MYH11: variants seen among roughly 807,000 people sequenced by gnomAD.
The protein encoded by MYH11 is myosin-11.
MYH11 carries 80 observed loss-of-function variants against 246.6 expected under a neutral mutation model. The observed-to-expected ratio is 0.32, with a 90% CI of 0.27 to 0.39. The LOEUF is 0.39. MYH11 is among the 10% of genes least tolerant of loss of function. The pLI is 1.00. For synonymous variants in MYH11, 1,071 were observed against 1,015.5 expected, an observed-to-expected ratio of 1.05 and a Z score of -1.04; for missense variants, 2,158 against 2,546.8, an observed-to-expected ratio of 0.85 and a Z score of 3.29.
At chr16:15,777,286 T>C (rs1002223975) in intron 7 of MYH11, among the ~76,000 whole-genome samples, 9 of 152,098 alleles carry the variant, frequency 5.9e-5, no homozygotes, top group Non-Finnish European at 1.3e-4. Context: ...CACGCCTGGA[T>C]AATTTTTGTA....
At chr16:15,723,912 G>A (rs1270204005) in intron 31 of MYH11, among the ~76,000 whole-genome samples, 2 of 152,232 alleles carry the variant, frequency 1.3e-5, no homozygotes, top group African/African-American at 4.8e-5. Context: ...CACCATGTGT[G>A]CAGGTGACCC....
At chr16:15,767,261 G>A (rs1028679276) in intron 9 of MYH11, among the ~76,000 whole-genome samples, 1 of 152,092 alleles carries the variant, frequency 6.6e-6, no homozygotes, top group African/African-American at 2.4e-5. Context: ...GACTCTACAT[G>A]AGTCTCAATA....
chr16:15,721,705 G>A, intron 31 of MYH11, 71 bp from the exon 32 acceptor site: 2 of 1,525,250 alleles, frequency 1.3e-6, no homozygotes, highest in Non-Finnish European at 1.8e-6. Context: ...TAAATACCGG[G>A]GGAAGCCCTG....
In MYH11 at chr16:15,771,332, C is replaced by A. The variant is rs4781688; in HGVS notation, c.1033+237G>T. Among the ~76,000 whole-genome samples, 15,894 of 151,946 alleles carry A rather than the reference C, an allele frequency of 0.1. 1,035 individuals are homozygous for A. The highest frequency in any genetic ancestry group is 0.14 in the Admixed American group (2,097 of 15,236). On this transcript the variant is annotated intron_variant, in intron 9 of 40. Transcript: ENST00000300036. ...ACTTCTCAACATTCTGAGTTAGTCA[C>A]TTTCCCTTTGGTTTAAGCCAGCTCG...
At position 15,711,307 on chromosome 16, in the gene MYH11, C is replaced by CT. The variant is rs1282842070; in HGVS notation, c.5786+3601dup. 6.6e-5 allele frequency: 10 copies of CT among 152,278 alleles called. 1 individual carries two copies. In the South Asian group the frequency reaches 2.1e-3, roughly 32 times the overall value. The allele number at this position is 152,278 out of a possible 1,614,324, so 9.4% of individuals were successfully genotyped here. A position where few individuals can be genotyped will look rare whatever the true frequency, so the allele number is the denominator to read the frequency against. On this transcript the variant is annotated intron_variant, in intron 40 of 40. Transcript: ENST00000300036. Reference sequence around the variant, plus strand: ...TGAGAAAGTCATTTCCTTTCCAACTCTTTTTAAACAAGTCTAATTATGATG... The same window carrying CT: ...TGAGAAAGTCATTTCCTTTCCAACTCTTTTTTAAACAAGTCTAATTATGATG...
intron 28 of MYH11, 94 bp downstream of exon 28, chr16:15,726,754 C>A (rs1374391306): frequency 6.9e-7 from 1 of 1,448,016 alleles, no homozygotes; most frequent in African/African-American, 1.4e-5. Flanking sequence ...TGCCTTGCAG[C>A]AAGAGAGACC....
intron 2 of MYH11, among the ~76,000 whole-genome samples, chr16:15,833,762 T>C (rs1336868115): frequency 2.0e-5 from 3 of 152,170 alleles, no homozygotes; most frequent in African/African-American, 7.2e-5. Flanking sequence ...ACCACGGACC[T>C]GGTATCACCT....
intron 1 of MYH11, among the ~76,000 whole-genome samples, chr16:15,839,078 C>T (rs558955886): frequency 4.6e-5 from 7 of 151,794 alleles, no homozygotes; most frequent in South Asian, 2.1e-4. Flanking sequence ...GGCATGGTAG[C>T]GCACACCTGT....
chr16:15,717,274 G>C lies in MYH11; in HGVS notation c.5370C>G (p.Leu1790=), dbSNP rs35295469. 7 of 1,613,860 alleles carry C rather than the reference G, an allele frequency of 4.3e-6. No homozygotes were observed. The highest frequency in any genetic ancestry group is 2.2e-5 in the East Asian group (1 of 44,884). The change falls in exon 38 of 41, where the codon CTC becomes CTG. Residue 1790 remains leucine, a synonymous_variant. Transcript: ENST00000300036. Reference sequence around the variant, plus strand: ...TCCGGAGCTCCTTGTTCTGCCGCTCGAGCTGCTGCCGGGCACTCTCATTCT... The same window carrying C: ...TCCGGAGCTCCTTGTTCTGCCGCTCCAGCTGCTGCCGGGCACTCTCATTCT... ...AQKNESARQQ[L]ERQNKELRSK... is the part of the protein sequence containing the mutation.
chr16:15,823,184 C>G, intron 3 of MYH11, 71 bp downstream of exon 3: 1 of 1,604,136 alleles, frequency 6.2e-7, no homozygotes, highest in South Asian at 1.1e-5. Flanking sequence ...ACATTCCTGG[C>G]AAGAACTGCA....
intron 3 of MYH11, among the ~76,000 whole-genome samples, chr16:15,809,446 C>A (rs573040410): frequency 2.0e-5 from 3 of 151,984 alleles, no homozygotes; most frequent in African/African-American, 7.2e-5. Flanking sequence ...AGGGGAGGAT[C>A]ACTTGAGCCC....
chr16:15,735,366 C>T lies in MYH11; in HGVS notation c.3506G>A (p.Arg1169Lys), dbSNP rs1187469688. 6.2e-7 allele frequency: 1 copy of T among 1,613,674 alleles called. No individual in the cohort carries two copies. Among genetic ancestry groups the T allele is most frequent in the Admixed American group, 1.7e-5 (1 of 60,008 alleles). The change falls in exon 26 of 41, where the codon AGG becomes AAG. Residue 1169 changes from arginine (R) to lysine (K), a missense_variant and splice_region_variant. Physicochemically the swap from Arg to Lys is conservative, Grantham distance 26 (BLOSUM62 2). Coordinates refer to ENST00000300036, the MANE Select transcript of MYH11 (RefSeq NM_002474.3). ...ATGGTGGGATTGATGGGCCCCTCAC[C>T]TGAGCTCCTGCTGAGTGGCTGTGCT... ...LDSTATQQEL[R>K]AKREQEVTVL... is the part of the protein sequence containing the mutation.
chr16:15,799,370 A>G (rs1168220074), intron 3 of MYH11, among the ~76,000 whole-genome samples: 2 of 152,180 alleles, frequency 1.3e-5, no homozygotes, highest in African/African-American at 2.4e-5. Context: ...CCTGAGGCAG[A>G]CTTCCTTTCT....
At chr16:15,760,063 C>T (rs527945383) in intron 11 of MYH11, among the ~76,000 whole-genome samples, 12 of 142,264 alleles carry the variant, frequency 8.4e-5, no homozygotes, top group Admixed American at 8.3e-4. Flanking sequence ...CACCACTGCA[C>T]CCCCCCCTGG....
intron 3 of MYH11, among the ~76,000 whole-genome samples, chr16:15,812,761 T>C (rs2043169827): frequency 1.3e-5 from 2 of 151,908 alleles, no homozygotes; most frequent in African/African-American, 4.8e-5. Context: ...CAGTCCCAGC[T>C]ACTTGGGGAG....
At chr16:15,768,414 C>G (rs998653268) in intron 9 of MYH11, among the ~76,000 whole-genome samples, 2 of 152,130 alleles carry the variant, frequency 1.3e-5, no homozygotes, top group Non-Finnish European at 2.9e-5. Flanking sequence ...CCCCTGGTCA[C>G]TTGGAGCCTC....
At chr16:15,772,087 CTTTT>C (rs35008322) in intron 8 of MYH11, among the ~76,000 whole-genome samples, 3 of 105,948 alleles carry the variant, frequency 2.8e-5, no homozygotes, top group African/African-American at 6.7e-5. Context: ...AACCTTTACT[CTTTT>C]TTTTTTTTTT....
intron 40 of MYH11, among the ~76,000 whole-genome samples, chr16:15,704,777 C>T (rs1255624418): frequency 1.3e-5 from 2 of 152,152 alleles, no homozygotes; most frequent in South Asian, 2.1e-4. Flanking sequence ...TGGAACATAC[C>T]GCACATGGCG....
intron 26 of MYH11, among the ~76,000 whole-genome samples, chr16:15,735,073 G>C (rs1261865729): frequency 6.6e-6 from 1 of 151,682 alleles, no homozygotes; most frequent in Non-Finnish European, 1.5e-5. Flanking sequence ...CAGCTACTCA[G>C]GAGGCTGAGG....
Sources: gnomAD v4.1 joint callset for allele counts (sites outside exome capture counted in the v4.1 genomes callset) on GRCh38, gnomAD v4.1.1 for gene constraint, MANE v1.5 for transcripts, NCBI Gene and HGNC (gene_info 2026-07-23, HGNC 2026-07-21) for gene names.